RAB10: variants seen among roughly 807,000 people sequenced by gnomAD.
RAB10 encodes ras-related protein Rab-10.
RAB10 carries 5 observed loss-of-function variants against 25.7 expected under a neutral mutation model. The observed-to-expected ratio is 0.19, with a 90% confidence interval of 0.10 to 0.41. The LOEUF (loss-of-function observed/expected upper bound fraction) is 0.41, where lower values mean the gene tolerates loss of function less well. Ranked by LOEUF, RAB10 falls within the 10% of genes least tolerant of loss-of-function variation. The pLI is 1.00. For synonymous variants in RAB10, 89 were observed against 86.4 expected (o/e 1.03, Z -0.16); for missense variants, 103 against 245.8 (o/e 0.42, Z 3.89).
At chr2:26,086,648 A>G (rs1385749272) in intron 1 of RAB10, among the ~76,000 whole-genome samples, 2 of 152,260 alleles carry the variant, frequency 1.3e-5, no homozygotes, top group Non-Finnish European at 2.9e-5. Flanking sequence ...ATGCATATTC[A>G]TAGCAGCTCT....
At chr2:26,130,696 A>C (rs1015010692) in intron 5 of RAB10, among the ~76,000 whole-genome samples, 4 of 152,010 alleles carry the variant, frequency 2.6e-5, no homozygotes, top group African/African-American at 9.7e-5. Context: ...TGATCCTCTC[A>C]CCCTGGCCTC....
intron 1 of RAB10, among the ~76,000 whole-genome samples, chr2:26,079,324 A>ACACAC (rs1553726198): frequency 0.039 from 3,611 of 92,612 alleles, 59 homozygotes; most frequent in Middle Eastern, 0.054. Flanking sequence ...CACACACACA[A>ACACAC]ACACACACAC....
chr2:26,115,676 C>T (rs1446439507), intron 3 of RAB10, among the ~76,000 whole-genome samples: 1 of 151,818 alleles, frequency 6.6e-6, no homozygotes, highest in Non-Finnish European at 1.5e-5. Context: ...TGAACTGCCT[C>T]GTAAATAACT....
At chr2:26,121,773 A>T (rs1667807435) in intron 3 of RAB10, among the ~76,000 whole-genome samples, 1 of 152,248 alleles carries the variant, frequency 6.6e-6, no homozygotes, top group South Asian at 2.1e-4. Context: ...ACAGAGATGC[A>T]GTATTAAATC....
intron 2 of RAB10, among the ~76,000 whole-genome samples, chr2:26,105,028 C>T (rs1056058881): frequency 2.3e-4 from 35 of 152,030 alleles, no homozygotes; most frequent in Non-Finnish European, 4.1e-4. Flanking sequence ...TGAGCCACCG[C>T]GCCCTGCCAT....
At chr2:26,079,698 C>T (rs527303054) in intron 1 of RAB10, among the ~76,000 whole-genome samples, 9 of 146,056 alleles carry the variant, frequency 6.2e-5, no homozygotes, top group African/African-American at 2.0e-4. Context: ...CAGAGTCTCA[C>T]TCTGTCACCC....
intron 3 of RAB10, among the ~76,000 whole-genome samples, chr2:26,120,624 C>T (rs1336235798): frequency 6.6e-6 from 1 of 151,690 alleles, no homozygotes; most frequent in East Asian, 1.9e-4. Flanking sequence ...GAGTCTCGCT[C>T]TGTTGCCCAG....
intron 1 of RAB10, among the ~76,000 whole-genome samples, chr2:26,078,770 G>A (rs1666795388): frequency 6.6e-6 from 1 of 152,136 alleles, no homozygotes; most frequent in Admixed American, 6.5e-5. Flanking sequence ...AGTAAAAAAA[G>A]AACATATTAT....
At chr2:26,123,257 A>T (rs1168925731) in intron 3 of RAB10, among the ~76,000 whole-genome samples, 1 of 152,186 alleles carries the variant, frequency 6.6e-6, no homozygotes, top group Non-Finnish European at 1.5e-5. Context: ...GAACCCCATG[A>T]GTTTAACACC....
At chr2:26,050,237 A>G (rs1380056065) in intron 1 of RAB10, among the ~76,000 whole-genome samples, 1 of 152,120 alleles carries the variant, frequency 6.6e-6, no homozygotes, top group Non-Finnish European at 1.5e-5. Flanking sequence ...CACTCAGTTG[A>G]GTGTTTGACA....
chr2:26,132,552 C>T (rs970147204), intron 5 of RAB10, among the ~76,000 whole-genome samples: 1 of 152,200 alleles, frequency 6.6e-6, no homozygotes, highest in African/African-American at 2.4e-5. Context: ...CACGCGTGAC[C>T]TGAAAACATA....
At chr2:26,059,474 T>C (rs1401878118) in intron 1 of RAB10, among the ~76,000 whole-genome samples, 5 of 152,218 alleles carry the variant, frequency 3.3e-5, no homozygotes, top group African/African-American at 1.2e-4. Flanking sequence ...GATTTTGTTT[T>C]TTTAACCTAA....
intron 1 of RAB10, among the ~76,000 whole-genome samples, chr2:26,069,572 A>G (rs984582075): frequency 6.6e-6 from 1 of 151,822 alleles, no homozygotes; most frequent in African/African-American, 2.4e-5. Context: ...AGGCTGAGGC[A>G]GGAGAATCAC....
intron 1 of RAB10, among the ~76,000 whole-genome samples, chr2:26,076,148 A>C (rs1230607914): frequency 6.6e-6 from 1 of 152,172 alleles, no homozygotes; most frequent in African/African-American, 2.4e-5. Context: ...CTTCCTACAC[A>C]TGATCTCATT....
chr2:26,137,026 A>C lies in RAB10; in HGVS notation c.*2005A>C, dbSNP rs1310969633. On this transcript the variant is annotated 3_prime_UTR_variant, in exon 6 of 6. Transcript: ENST00000264710. Reference sequence around the variant, plus strand: ...TCTGGAATGTGGCATTAGCTTTTTTATTTTAACCCTCTTTAATTCTTATTC... The same window carrying C: ...TCTGGAATGTGGCATTAGCTTTTTTCTTTTAACCCTCTTTAATTCTTATTC... 3.9e-5 allele frequency: 6 copies of C among 152,612 alleles called. No individual in the cohort carries two copies. Among genetic ancestry groups the C allele is most frequent in the Non-Finnish European group, 8.8e-5 (6 of 68,012 alleles). The allele number at this position is 152,612 out of a possible 1,614,324, so 9.5% of individuals were successfully genotyped here.
chr2:26,058,849 C>G (rs1204262262), intron 1 of RAB10, among the ~76,000 whole-genome samples: 1 of 152,114 alleles, frequency 6.6e-6, no homozygotes, highest in African/African-American at 2.4e-5. Context: ...TCTTCCAGTT[C>G]AGATCTACCA....
At chr2:26,038,671 C>G (rs1162674051) in intron 1 of RAB10, among the ~76,000 whole-genome samples, 2 of 151,536 alleles carry the variant, frequency 1.3e-5, no homozygotes, top group African/African-American at 4.8e-5. Flanking sequence ...GCCTATAATC[C>G]CAGCGCTTTG....
chr2:26,118,815 C>G (rs1667743359), intron 3 of RAB10, among the ~76,000 whole-genome samples: 1 of 152,166 alleles, frequency 6.6e-6, no homozygotes, highest in Non-Finnish European at 1.5e-5. Context: ...ATATTTTAAG[C>G]TAGTTACAGT....
At chr2:26,034,011 T>C (rs566048711), upstream of RAB10, 51 of 399,022 alleles carry the variant, frequency 1.3e-4, no homozygotes, top group South Asian at 5.5e-3. Context: ...CCCCATGCCC[T>C]CTTGTGCGCG....
Sources: allele counts gnomAD v4.1 joint callset (sites outside exome capture counted in the v4.1 genomes callset), GRCh38; gene constraint gnomAD v4.1.1; transcripts MANE v1.5; gene names NCBI Gene and HGNC (gene_info 2026-07-23, HGNC 2026-07-21).